Variants in OSBPL3 observed in about 807,000 individuals in gnomAD.
The protein encoded by OSBPL3 is oxysterol-binding protein-related protein 3.
OSBPL3 carries 65 observed loss-of-function variants against 120.1 expected under a neutral mutation model. The observed-to-expected ratio is 0.54, with a 90% CI of 0.44 to 0.67. The LOEUF is 0.67. Ranked by LOEUF, OSBPL3 falls within the 30% of genes least tolerant of loss-of-function variation. OSBPL3 has a pLI of 0.00. For synonymous variants in OSBPL3, 416 were observed against 402.6 expected (o/e 1.03, Z -0.40); for missense variants, 1,004 against 1,082.1 (o/e 0.93, Z 1.01).
At position 24,879,797 on chromosome 7, in the gene OSBPL3, A is replaced by G. The variant is rs139254639; in HGVS notation, c.97-7728T>C. ...AAATAGCATTAATAAAAACACTTCA[A>G]TGTACATATGACTATTTCCACGCTG... On this transcript the variant is annotated intron_variant, in intron 2 of 22. Transcript: ENST00000313367. This position sits in a 1 kb window ranked among gnomAD's most constrained non-coding sequence, Gnocchi z 5.6. Among the ~76,000 whole-genome samples the G allele has an allele frequency of 2.1e-3, 325 of 152,318 alleles. No individual in the cohort carries two copies. The highest frequency in any genetic ancestry group is 7.5e-3 in the African/African-American group (313 of 41,574).
chr7:24,882,787 T>A (rs551214571), intron 2 of OSBPL3, among the ~76,000 whole-genome samples: 3 of 152,244 alleles, frequency 2.0e-5, no homozygotes, highest in African/African-American at 7.2e-5. Context: ...TAAGATGATA[T>A]CTCATTGTGG....
intron 1 of OSBPL3, among the ~76,000 whole-genome samples, chr7:24,969,454 C>A (rs1214543867): frequency 6.6e-6 from 1 of 152,092 alleles, no homozygotes; most frequent in East Asian, 1.9e-4. Flanking sequence ...TAAAAATTGA[C>A]CCCGCAAAAA....
chr7:24,811,343 AG>A (rs900525148), intron 19 of OSBPL3, among the ~76,000 whole-genome samples: 6 of 152,030 alleles, frequency 3.9e-5, no homozygotes, highest in African/African-American at 1.4e-4. Context: ...ACATCTCTTC[AG>A]GTCCTTTGTT....
At position 24,835,373 on chromosome 7, in the gene OSBPL3, C is replaced by G. The variant is rs533663789; in HGVS notation, c.1496-637G>C. 1.1e-4 allele frequency among the ~76,000 whole-genome samples: 16 copies of G among 152,180 alleles called. No individual in the cohort carries two copies. In the South Asian group the frequency reaches 3.3e-3, roughly 32 times the overall value. On this transcript the variant is annotated intron_variant, in intron 14 of 22. Transcript: ENST00000313367. The surrounding 1 kb of genome is among the most constrained non-coding windows in gnomAD (Gnocchi z 4.8). ...AATCAAAACCACAATGAGATATCAT[C>G]TCATACCAATCAGAATAGCAATTAC...
intron 12 of OSBPL3, among the ~76,000 whole-genome samples, chr7:24,844,979 T>C (rs1263823273): frequency 1.3e-5 from 2 of 152,192 alleles, no homozygotes; most frequent in Non-Finnish European, 2.9e-5. Context: ...TTTTATTATA[T>C]AGTGTCACAG....
chr7:24,955,638 G>A lies in OSBPL3; in HGVS notation c.-150+24248C>T, dbSNP rs1168986310. On this transcript the variant is annotated intron_variant, in intron 1 of 22. Transcript: ENST00000313367. The surrounding 1 kb of genome is among the most constrained non-coding windows in gnomAD (Gnocchi z 4.3). ...CATTTCTATGTAAAATCAAACAGCA[G>A]CACCCCTGTCCCCTATACACTCTAA... 6.6e-6 allele frequency among the ~76,000 whole-genome samples: 1 copy of A among 152,150 alleles called. No individual in the cohort carries two copies. The highest frequency in any genetic ancestry group is 2.4e-5 in the African/African-American group (1 of 41,420).
In OSBPL3 at chr7:24,849,806, TTAGTTGGG is replaced by T. The variant is rs1371093385; in HGVS notation, c.1159-638_1159-631del. On this transcript the variant is annotated intron_variant, in intron 11 of 22. Transcript: ENST00000313367. The surrounding 1 kb of genome is among the most constrained non-coding windows in gnomAD (Gnocchi z 5.4). ...CCATCTCTACCAAAAAATGCAAAAA[TTAGTTGGG>T]CATGGTGGCACACACCTGTAGTCCC... Among the ~76,000 whole-genome samples, 4 of 151,600 alleles carry T rather than the reference TTAGTTGGG, an allele frequency of 2.6e-5. No individual in the cohort carries two copies. Among genetic ancestry groups the T allele is most frequent in the African/African-American group, 9.7e-5 (4 of 41,264 alleles).
rs954221116 is a variant in OSBPL3, at chr7:24,965,720, T to G, written c.-150+14166A>C. On this transcript the variant is annotated intron_variant, in intron 1 of 22. Transcript: ENST00000313367. This position sits in a 1 kb window ranked among gnomAD's most constrained non-coding sequence, Gnocchi z 4.3. ...CAATCTGTTTTATTAAATAATTAATTTGTTTGTTTTTGTGGAGACTGAGTC... is the reference window on the plus strand; with the variant it reads ...CAATCTGTTTTATTAAATAATTAATGTGTTTGTTTTTGTGGAGACTGAGTC... 1.3e-5 allele frequency among the ~76,000 whole-genome samples: 2 copies of G among 152,096 alleles called. No homozygotes were observed. Among genetic ancestry groups the G allele is most frequent in the African/African-American group, 4.8e-5 (2 of 41,402 alleles).
In OSBPL3 at chr7:24,863,321, A is replaced by G; in HGVS notation, c.778-29T>C. The G allele has an allele frequency of 6.3e-7, 1 of 1,578,416 alleles. No individual in the cohort carries two copies. Among genetic ancestry groups the G allele is most frequent in the Non-Finnish European group, 8.7e-7 (1 of 1,147,318 alleles). On this transcript the variant is annotated intron_variant, in intron 8 of 22. Coordinates refer to ENST00000313367, the MANE Select transcript of OSBPL3 (RefSeq NM_015550.4). This position sits in a 1 kb window ranked among gnomAD's most constrained non-coding sequence, Gnocchi z 5.8. ...TGTTTCAAAACAGGAAAGAGAGCACAGACAGTAAAGTCCACCAAACCGACA... is the reference window on the plus strand; with the variant it reads ...TGTTTCAAAACAGGAAAGAGAGCACGGACAGTAAAGTCCACCAAACCGACA...
At chr7:24,925,313 T>C (rs767615174) in intron 1 of OSBPL3, among the ~76,000 whole-genome samples, 18 of 152,196 alleles carry the variant, frequency 1.2e-4, no homozygotes, top group Non-Finnish European at 2.2e-4. Context: ...TCTGACTTTG[T>C]TATTGTTGTC....
Position 24,898,913 on chromosome 7 carries a change from A to G in OSBPL3, c.-149-6292T>C, listed in dbSNP as rs1324355337. Among the ~76,000 whole-genome samples the G allele has an allele frequency of 1.3e-5, 2 of 152,178 alleles. No homozygotes were observed. The highest frequency in any genetic ancestry group is 2.9e-5 in the Non-Finnish European group (2 of 68,034). ...TTTCACCTTTTTAAAAATCTATTCT[A>G]GACAGTTTGTCATCATTTAGAGCTG... On this transcript the variant is annotated intron_variant, in intron 1 of 22. Transcript: ENST00000313367. This position sits in a 1 kb window ranked among gnomAD's most constrained non-coding sequence, Gnocchi z 4.3.
chr7:24,924,785 G>C (rs1810838389), intron 1 of OSBPL3, among the ~76,000 whole-genome samples: 1 of 152,194 alleles, frequency 6.6e-6, no homozygotes, highest in South Asian at 2.1e-4. Flanking sequence ...AAGGCTGTTA[G>C]ATGCCCAACA....
At chr7:24,950,635 T>A (rs906493047) in intron 1 of OSBPL3, among the ~76,000 whole-genome samples, 1 of 152,190 alleles carries the variant, frequency 6.6e-6, no homozygotes, top group Non-Finnish European at 1.5e-5. Flanking sequence ...GGCAGGAGAA[T>A]GGCACGAACC....
intron 2 of OSBPL3, among the ~76,000 whole-genome samples, chr7:24,885,375 TC>T (rs1804355736): frequency 6.6e-6 from 1 of 152,146 alleles, no homozygotes; most frequent in Admixed American, 6.5e-5. Flanking sequence ...TTTTATGAGT[TC>T]CGGCCCTGAG....
At position 24,892,243 on chromosome 7, in the gene OSBPL3, T is replaced by C. The variant is rs1366685860; in HGVS notation, c.96+134A>G. 1.5e-5 allele frequency: 11 copies of C among 755,462 alleles called. No homozygotes were observed. The African/African-American group carries it at 1.7e-4, about 12-fold the overall frequency. 46.8% of individuals were successfully genotyped at this position (755,462 alleles called of 1,614,324 possible). On this transcript the variant is annotated intron_variant, in intron 2 of 22. Transcript: ENST00000313367. ...AATTATACAGAATTTACTCTCCTCA[T>C]ACAGTCAAGAGATAACCAAAAGTAA...
At chr7:24,885,227 CA>C (rs59823834) in intron 2 of OSBPL3, among the ~76,000 whole-genome samples, 16,403 of 112,072 alleles carry the variant, frequency 0.15, 1,650 homozygotes, top group African/African-American at 0.31. Flanking sequence ...GTCTCAAAAA[CA>C]AAAAAAAAAA....
intron 2 of OSBPL3, among the ~76,000 whole-genome samples, chr7:24,889,027 C>T (rs1192623035): frequency 1.3e-5 from 2 of 152,110 alleles, no homozygotes; most frequent in African/African-American, 4.8e-5. Context: ...ATACAAAATG[C>T]CACCCTCACT....
rs1812449145 is a variant in OSBPL3 at position 24,936,576 on chromosome 7, G to A, written c.-150+43310C>T. ...CTGAGAAAGGAAGGACCCTAGCTGTGGGCCTTGAAACCTCCTATTTGGGCT... is the reference window on the plus strand; with the variant it reads ...CTGAGAAAGGAAGGACCCTAGCTGTAGGCCTTGAAACCTCCTATTTGGGCT... On this transcript the variant is annotated intron_variant, in intron 1 of 22. Transcript: ENST00000313367. The surrounding 1 kb of genome is among the most constrained non-coding windows in gnomAD (Gnocchi z 4.2). Among the ~76,000 whole-genome samples the A allele has an allele frequency of 6.6e-6, 1 of 152,196 alleles. No homozygotes were observed. Among genetic ancestry groups the A allele is most frequent in the Non-Finnish European group, 1.5e-5 (1 of 68,036 alleles).
chr7:24,927,702 G>A (rs1368896710), intron 1 of OSBPL3, among the ~76,000 whole-genome samples: 1 of 151,968 alleles, frequency 6.6e-6, no homozygotes, highest in Admixed American at 6.6e-5. Context: ...AATAACAGAA[G>A]GTTTACCATT....
Sources: allele counts gnomAD v4.1 joint callset (sites outside exome capture counted in the v4.1 genomes callset), GRCh38; gene constraint gnomAD v4.1.1; non-coding constraint Gnocchi (gnomAD v3.1); transcripts MANE v1.5; gene names NCBI Gene and HGNC (gene_info 2026-07-23, HGNC 2026-07-21).